PRR14L: variants seen among roughly 807,000 people sequenced by gnomAD.
PRR14L encodes the protein proline rich 14 like.
A neutral mutation model predicts 155.0 loss-of-function variants in PRR14L; 80 were observed. That is an observed-to-expected ratio of 0.52 (90% CI 0.43 to 0.62). The LOEUF (loss-of-function observed/expected upper bound fraction) is 0.62, where lower values mean the gene tolerates loss of function less well. Ranked by LOEUF, PRR14L falls within the 20% of genes least tolerant of loss-of-function variation. PRR14L has a pLI of 0.00. For synonymous variants in PRR14L, 883 were observed against 916.0 expected (o/e 0.96, Z 0.65); for missense variants, 2,469 against 2,548.0 (o/e 0.97, Z 0.67).
At chr22:31,706,556 T>G (rs1188043158) in intron 4 of PRR14L, among the ~76,000 whole-genome samples, 7 of 151,694 alleles carry the variant, frequency 4.6e-5, no homozygotes, top group Admixed American at 1.3e-4. Context: ...TCCGAGTAGC[T>G]GGGACTACAG....
In PRR14L at chr22:31,716,237, T is replaced by G. The variant is rs747120067; in HGVS notation, c.1602A>C (p.Lys534Asn). 2 of 1,551,430 alleles carry G rather than the reference T, an allele frequency of 1.3e-6. No individual in the cohort carries two copies. The highest frequency in any genetic ancestry group is 2.7e-5 in the African/African-American group (2 of 73,048). Residue 534 changes from lysine (K) to asparagine (N), a missense_variant, in exon 4 of 9, where the codon AAA becomes AAC. Physicochemically the swap from Lys to Asn is moderately conservative, Grantham distance 94. Transcript: ENST00000327423. Reference sequence around the variant, plus strand: ...AGTTACAGTCTTTAGTGTAAAAAGATTTACTTAATATATTGGGCTCTACAG... The same window carrying G: ...AGTTACAGTCTTTAGTGTAAAAAGAGTTACTTAATATATTGGGCTCTACAG... ...TTPVEPNILS[K>N]SFYTKDCNSL... is the part of the protein sequence containing the mutation.
chr22:31,706,190 G>A (rs1210441328), intron 4 of PRR14L, among the ~76,000 whole-genome samples: 1 of 151,488 alleles, frequency 6.6e-6, no homozygotes, highest in Non-Finnish European at 1.5e-5. Context: ...AACTAGCTAG[G>A]CATGATGGCA....
rs1271092251 is a variant in PRR14L at position 31,682,738 on chromosome 22, T to C, written c.*2789A>G. 2 of 152,170 alleles carry C rather than the reference T, an allele frequency of 1.3e-5. No homozygotes were observed. Among genetic ancestry groups the C allele is most frequent in the African/African-American group, 4.8e-5 (2 of 41,452 alleles). The allele number at this position is 152,170 out of a possible 1,614,324, so 9.4% of individuals were successfully genotyped here. A position where few individuals can be genotyped will look rare whatever the true frequency, so the allele number is the denominator to read the frequency against. The stretch of plus-strand genomic sequence containing the variant: ...GATAGTTGAGTAAGCTGTAGTTAAC[T>C]GTAACTTCCCACCACTTGGGGAGGG... On this transcript the variant is annotated 3_prime_UTR_variant, in exon 9 of 9. Transcript: ENST00000327423.
At chr22:31,695,474 T>TAGTC (rs1488305523) in intron 7 of PRR14L, among the ~76,000 whole-genome samples, 4 of 152,164 alleles carry the variant, frequency 2.6e-5, no homozygotes, top group African/African-American at 9.6e-5. Flanking sequence ...CCAGGACATG[T>TAGTC]AGTCCCTCAG....
chr22:31,715,496 T>C lies in PRR14L; in HGVS notation c.2343A>G (p.Gln781=), dbSNP rs1226943918. The C allele has an allele frequency of 1.9e-6, 3 of 1,552,186 alleles. No individual in the cohort carries two copies. The highest frequency in any genetic ancestry group is 2.7e-5 in the African/African-American group (2 of 73,064). Residue 781 remains glutamine, a synonymous_variant, in exon 4 of 9, where the codon CAA becomes CAG. Coordinates refer to ENST00000327423, the MANE Select transcript of PRR14L (RefSeq NM_173566.3). ...VVSVIECHSV[Q]SQDISSCHRV... is the part of the protein sequence containing the mutation. ...GATGACAGCTAGAGATATCCTGAGA[T>C]TGAACGCTGTGACATTCTATGACAG...
At position 31,715,147 on chromosome 22, in the gene PRR14L, G is replaced by A. The variant is rs749202743; in HGVS notation, c.2692C>T (p.Leu898Phe). ...KTIHTSSSIK[L>F]SEEGLEGKEQ... ...TTTCCTTCCAGCCCTTCCTCACTGA[G>A]TTTGATGCTACTGGAGGTGTGAATG... is the stretch of plus-strand genomic sequence containing the variant. The change falls in exon 4 of 9, where the codon CTC (leucine) becomes TTC (phenylalanine). Residue 898 changes from leucine (L) to phenylalanine (F), a missense_variant. This residue lies in a region of PRR14L where 2,363 missense variants were observed against 2,371.6 expected (regional missense o/e 1.00). Coordinates refer to ENST00000327423, the MANE Select transcript of PRR14L (RefSeq NM_173566.3). 6.4e-7 allele frequency: 1 copy of A among 1,551,924 alleles called. No individual in the cohort carries two copies. The highest frequency in any genetic ancestry group is 8.7e-7 in the Non-Finnish European group (1 of 1,146,982).
At chr22:31,736,218 CAAAAA>C (rs1212304644) in intron 2 of PRR14L, among the ~76,000 whole-genome samples, 3 of 84,898 alleles carry the variant, frequency 3.5e-5, no homozygotes, top group Non-Finnish European at 7.1e-5. Flanking sequence ...GACTCCATCT[CAAAAA>C]AAAAAAAAAA....
At chr22:31,690,343 C>T (rs950089641) in intron 7 of PRR14L, among the ~76,000 whole-genome samples, 1 of 152,100 alleles carries the variant, frequency 6.6e-6, no homozygotes, top group Non-Finnish European at 1.5e-5. Context: ...GCCACCATGC[C>T]CAGCTGTAAC....
At chr22:31,701,816 T>C in intron 6 of PRR14L, 54 bp from the exon 7 acceptor site, 4 of 1,437,746 alleles carry the variant, frequency 2.8e-6, no homozygotes, top group East Asian at 2.3e-5. Flanking sequence ...ATTTTATTTA[T>C]ATATTTTTTG....
intron 2 of PRR14L, among the ~76,000 whole-genome samples, chr22:31,737,066 T>C (rs1041433987): frequency 1.5e-5 from 2 of 130,092 alleles, no homozygotes; most frequent in Admixed American, 1.6e-4. Context: ...AAGGAGACCA[T>C]ATGACCTGCA....
At position 31,684,832 on chromosome 22, in the gene PRR14L, T is replaced by C. The variant is rs763536200; in HGVS notation, c.*695A>G. ...ACAAAAACAACAACAAAAAAGAAAATAAAACAAATGAAAATAATCCACACC... is the reference window on the plus strand; with the variant it reads ...ACAAAAACAACAACAAAAAAGAAAACAAAACAAATGAAAATAATCCACACC... On this transcript the variant is annotated 3_prime_UTR_variant, in exon 9 of 9. Transcript: ENST00000327423. The C allele has an allele frequency of 2.0e-5, 3 of 151,040 alleles. No individual in the cohort carries two copies. The highest frequency in any genetic ancestry group is 4.4e-5 in the Non-Finnish European group (3 of 67,702). The allele number at this position is 151,040 out of a possible 1,614,324, so 9.4% of individuals were successfully genotyped here.
At position 31,712,887 on chromosome 22, in the gene PRR14L, T is replaced by C. The variant is rs1187073286; in HGVS notation, c.4952A>G (p.Tyr1651Cys). Reference protein sequence around the residue: ...SSELLPMAKSYKRLRYKRLLD... With the variant: ...SSELLPMAKSCKRLRYKRLLD... The stretch of plus-strand genomic sequence containing the variant: ...GAGTCTTTTATATCTGAGGCGCTTG[T>C]AGCTTTTAGCCATTGGAAGAAGTTC... The change falls in exon 4 of 9, where the codon TAC becomes TGC. Residue 1651 changes from tyrosine (Y) to cysteine (C), a missense_variant. Physicochemically the swap from Tyr to Cys is radical, Grantham distance 194. This residue lies in a region of PRR14L where 2,363 missense variants were observed against 2,371.6 expected (regional missense o/e 1.00). Coordinates refer to ENST00000327423, the MANE Select transcript of PRR14L (RefSeq NM_173566.3). The C allele has an allele frequency of 6.4e-7, 1 of 1,551,906 alleles. No homozygotes were observed. Among genetic ancestry groups the C allele is most frequent in the Non-Finnish European group, 8.7e-7 (1 of 1,147,038 alleles).
intron 2 of PRR14L, among the ~76,000 whole-genome samples, chr22:31,731,761 C>T (rs575483023): frequency 6.6e-6 from 1 of 152,076 alleles, no homozygotes; most frequent in South Asian, 2.1e-4. Context: ...ATGGCTAAGT[C>T]CTACCCCTGT....
At chr22:31,728,201 C>T (rs921807209) in intron 2 of PRR14L, among the ~76,000 whole-genome samples, 2 of 152,050 alleles carry the variant, frequency 1.3e-5, no homozygotes, top group Non-Finnish European at 1.5e-5. Flanking sequence ...TGTAACGTCC[C>T]CCACCTGCTC....
chr22:31,748,894 A>C (rs1333838725), intron 1 of PRR14L, among the ~76,000 whole-genome samples: 2 of 152,154 alleles, frequency 1.3e-5, no homozygotes, highest in African/African-American at 4.8e-5. Context: ...ATTGAACAGC[A>C]GGATCTAAGG....
chr22:31,704,466 T>G (rs958495841), intron 5 of PRR14L, 189 bp downstream of exon 5: 4 of 445,960 alleles, frequency 9.0e-6, no homozygotes, highest in Non-Finnish European at 1.6e-5. Flanking sequence ...TATTACACAT[T>G]CCTAGTTGCT....
intron 4 of PRR14L, among the ~76,000 whole-genome samples, chr22:31,707,599 A>G (rs2074598903): frequency 6.6e-6 from 1 of 151,934 alleles, no homozygotes; most frequent in Admixed American, 6.6e-5. Context: ...GTTAGCCAGG[A>G]TGGTCTCAAT....
Position 31,716,527 on chromosome 22 carries a change from G to A in PRR14L, c.1312C>T (p.Pro438Ser), listed in dbSNP as rs753074809. Residue 438 changes from proline to serine, a missense_variant, in exon 4 of 9, where the codon CCA becomes TCA. By Grantham distance (74) the Pro-to-Ser change is moderately conservative. Around this residue, in one of 2 missense-constraint regions of PRR14L, gnomAD observed 2,363 missense variants for 2,371.6 expected, o/e 1.00. Coordinates refer to ENST00000327423, the MANE Select transcript of PRR14L (RefSeq NM_173566.3). ...CSGEKEPVVS[P>S]KENIHNNCIQ... is the part of the protein sequence containing the mutation. ...CAGTTATTGTGGATATTTTCCTTTG[G>A]AGAAACAACAGGCTCTTTTTCACCA... 6.5e-7 allele frequency: 1 copy of A among 1,545,666 alleles called. No individual in the cohort carries two copies. Among genetic ancestry groups the A allele is most frequent in the South Asian group, 1.2e-5 (1 of 82,364 alleles).
intron 1 of PRR14L, among the ~76,000 whole-genome samples, chr22:31,740,230 A>AT (rs201409473): frequency 0.072 from 10,670 of 149,186 alleles, 451 homozygotes; most frequent in South Asian, 0.18. Flanking sequence ...TAATTTTTTT[A>AT]TTTTTTTGAG....
Sources: allele counts gnomAD v4.1 joint callset (sites outside exome capture counted in the v4.1 genomes callset), GRCh38; gene constraint gnomAD v4.1.1; regional missense constraint gnomAD v4.1.1; transcripts MANE v1.5; gene names NCBI Gene and HGNC (gene_info 2026-07-23, HGNC 2026-07-21).